Variants in DCC observed in about 807,000 individuals in gnomAD.
DCC encodes DCC netrin 1 receptor.
Under a neutral mutation model 172.5 loss-of-function variants are expected in DCC, and 58 were observed. That is an observed-to-expected ratio of 0.34 (90% CI 0.27 to 0.42). The LOEUF (loss-of-function observed/expected upper bound fraction) is 0.42, where lower values mean the gene tolerates loss of function less well. DCC is among the 10% of genes least tolerant of loss of function. The pLI is 1.00. For synonymous variants in DCC, 709 were observed against 644.5 expected (o/e 1.10, Z -1.52); for missense variants, 1,740 against 1,791.0 (o/e 0.97, Z 0.51).
intron 15 of DCC, among the ~76,000 whole-genome samples, chr18:53,345,973 T>A (rs917695674): frequency 6.6e-6 from 1 of 152,010 alleles, no homozygotes; most frequent in Non-Finnish European, 1.5e-5. Flanking sequence ...TATTTGAATT[T>A]TTTTGTTTTA....
intron 12 of DCC, among the ~76,000 whole-genome samples, chr18:53,216,706 C>G (rs984708593): frequency 1.1e-4 from 16 of 152,192 alleles, no homozygotes; most frequent in African/African-American, 3.9e-4. Context: ...ATGAATTTAT[C>G]TTTTGAAGCA....
chr18:52,843,008 G>A (rs2038831471), intron 2 of DCC, among the ~76,000 whole-genome samples: 2 of 152,114 alleles, frequency 1.3e-5, no homozygotes, highest in Non-Finnish European at 2.9e-5. Context: ...TTCCCAGTGG[G>A]AATGTCAAGT....
intron 5 of DCC, among the ~76,000 whole-genome samples, chr18:52,935,420 T>A (rs113749032): frequency 2.2e-4 from 34 of 152,256 alleles, no homozygotes; most frequent in African/African-American, 7.9e-4. Context: ...TATTCTTTTT[T>A]AAATCAATTC....
chr18:53,489,951 T>C (rs902262604), intron 26 of DCC, among the ~76,000 whole-genome samples: 13 of 152,208 alleles, frequency 8.5e-5, no homozygotes, highest in South Asian at 2.1e-4. Context: ...ATAGATAGTC[T>C]TGGGGCCTCA....
chr18:52,414,536 T>TTA lies in DCC; in HGVS notation c.91+73661_91+73662dup, dbSNP rs532348541. ...TAGATGGACCAGCTCCCTTTCTCTT[T>TTA]TATAATTCCAGCTGGATTCTCCCCC... On this transcript the variant is annotated intron_variant, in intron 1 of 28. Transcript: ENST00000442544. 2.0e-3 allele frequency among the ~76,000 whole-genome samples: 304 copies of TTA among 152,280 alleles called. 4 individuals are homozygous for TTA. The highest frequency in any genetic ancestry group is 0.014 in the East Asian group (70 of 5,164).
chr18:53,199,512 G>A (rs562283192), intron 9 of DCC, among the ~76,000 whole-genome samples: 4 of 151,944 alleles, frequency 2.6e-5, no homozygotes, highest in African/African-American at 9.7e-5. Flanking sequence ...TGGATATGGA[G>A]CTGAATAAAT....
At chr18:53,237,467 G>A (rs894294444) in intron 12 of DCC, among the ~76,000 whole-genome samples, 4 of 152,032 alleles carry the variant, frequency 2.6e-5, no homozygotes, top group African/African-American at 9.7e-5. Flanking sequence ...TATTTAACTC[G>A]AATTCCTTTC....
intron 1 of DCC, among the ~76,000 whole-genome samples, chr18:52,501,981 G>A (rs1488690156): frequency 6.6e-6 from 1 of 152,138 alleles, no homozygotes; most frequent in Non-Finnish European, 1.5e-5. Flanking sequence ...TGAGAAGGGG[G>A]CTTAAAACTT....
intron 15 of DCC, among the ~76,000 whole-genome samples, chr18:53,380,221 T>G (rs1292836180): frequency 6.6e-6 from 1 of 152,198 alleles, no homozygotes; most frequent in East Asian, 1.9e-4. Flanking sequence ...TTTTAAAGTT[T>G]AAGAGCTCTG....
At chr18:52,840,529 G>A (rs1428169201) in intron 2 of DCC, among the ~76,000 whole-genome samples, 1 of 151,998 alleles carries the variant, frequency 6.6e-6, no homozygotes, top group African/African-American at 2.4e-5. Context: ...TTTTTTTCAT[G>A]GATGGTCCAG....
chr18:53,016,221 A>G (rs2041805849), intron 5 of DCC, among the ~76,000 whole-genome samples: 1 of 152,144 alleles, frequency 6.6e-6, no homozygotes, highest in African/African-American at 2.4e-5. Context: ...TTCTTAATTC[A>G]GAACTTAAAA....
intron 1 of DCC, among the ~76,000 whole-genome samples, chr18:52,546,055 A>G (rs2032605359): frequency 6.6e-6 from 1 of 152,284 alleles, no homozygotes; most frequent in Non-Finnish European, 1.5e-5. Flanking sequence ...TCCTATGAAG[A>G]ATTTCTAACA....
intron 15 of DCC, among the ~76,000 whole-genome samples, chr18:53,346,572 C>A (rs2057728691): frequency 6.6e-6 from 1 of 152,058 alleles, no homozygotes; most frequent in Admixed American, 6.6e-5. Flanking sequence ...CATTGTTAGG[C>A]TCATATGGTA....
At chr18:53,205,700 T>G (rs1019942232) in intron 10 of DCC, among the ~76,000 whole-genome samples, 18 of 152,180 alleles carry the variant, frequency 1.2e-4, no homozygotes, top group Admixed American at 9.8e-4. Context: ...GTTTTATTCC[T>G]TAGACTAAGG....
At chr18:52,816,759 C>T (rs1388428994) in intron 2 of DCC, 1 of 152,136 alleles carries the variant, frequency 6.6e-6, no homozygotes, top group Non-Finnish European at 1.5e-5. Flanking sequence ...AGGCCCCAAA[C>T]TCACTTATAT....
At chr18:52,461,596 G>A (rs943594358) in intron 1 of DCC, among the ~76,000 whole-genome samples, 2 of 152,180 alleles carry the variant, frequency 1.3e-5, no homozygotes, top group Non-Finnish European at 2.9e-5. Flanking sequence ...GTGCTATGAT[G>A]TTATGACAGC....
At chr18:52,490,033 T>C (rs2030423478) in intron 1 of DCC, among the ~76,000 whole-genome samples, 1 of 152,158 alleles carries the variant, frequency 6.6e-6, no homozygotes, top group Admixed American at 6.6e-5. Context: ...ATGATGGCAG[T>C]CCTTCTACGG....
chr18:52,919,712 T>A (rs1483571350), intron 3 of DCC, among the ~76,000 whole-genome samples: 1 of 151,922 alleles, frequency 6.6e-6, no homozygotes, highest in Non-Finnish European at 1.5e-5. Context: ...TATTGGTAAG[T>A]AATTTTGTTA....
chr18:53,205,436 G>T, intron 10 of DCC, 72 bp downstream of exon 10: 2 of 1,476,414 alleles, frequency 1.4e-6, no homozygotes, highest in Non-Finnish European at 9.5e-7. Flanking sequence ...TCTAGGGCTG[G>T]AGAAATAGGA....
Sources: gnomAD v4.1 joint callset for allele counts (sites outside exome capture counted in the v4.1 genomes callset) on GRCh38, gnomAD v4.1.1 for gene constraint, MANE v1.5 for transcripts, NCBI Gene and HGNC (gene_info 2026-07-23, HGNC 2026-07-21) for gene names.